Variants in CDK5 observed in about 807,000 individuals in gnomAD.
The protein encoded by CDK5 is cyclin dependent kinase 5.
In CDK5, 18 loss-of-function variants were observed where a neutral mutation model predicts 44.6. That is an observed-to-expected ratio of 0.40 (90% CI 0.28 to 0.60). CDK5 has a LOEUF of 0.60. CDK5 is among the 20% of genes least tolerant of loss of function. The pLI, the probability that CDK5 is intolerant of heterozygous loss-of-function variation, is 0.38. For missense variants in CDK5, 198 were observed against 368.1 expected (o/e 0.54, Z 3.78); for synonymous variants, 143 against 152.8 (o/e 0.94, Z 0.47).
rs1796906314 is a variant in CDK5, at chr7:151,056,854, C to T, written c.194+54G>A. The T allele has an allele frequency of 6.3e-7, 1 of 1,591,672 alleles. No homozygotes were observed. Among genetic ancestry groups the T allele is most frequent in the Non-Finnish European group, 8.6e-7 (1 of 1,169,326 alleles). On this transcript the variant is annotated intron_variant, in intron 3 of 11. Transcript: ENST00000485972. The surrounding 1 kb of genome is among the most constrained non-coding windows in gnomAD (Gnocchi z 4.7). ...CCGCCTGACAGACGTCCAGTGTCAG[C>T]CCCCGCCTCCCCCAAGCGGCCACAC...
Position 151,054,420 on chromosome 7 carries a change from C to T in CDK5, c.696G>A (p.Lys232=), listed in dbSNP as rs780601142. 15 of 1,613,408 alleles carry T rather than the reference C, an allele frequency of 9.3e-6. No individual in the cohort carries two copies. The highest frequency in any genetic ancestry group is 5.3e-5 in the African/African-American group (4 of 74,858). Reference sequence around the variant, plus strand: ...CCCATCACACCTTATAGTCTGGCAGCTTGGTCATAGAGGGCCACTGCTCCT... The same window carrying T: ...CCCATCACACCTTATAGTCTGGCAGTTTGGTCATAGAGGGCCACTGCTCCT... ...PTEEQWPSMT[K]LPDYKPYPMY... Residue 232 remains lysine (K), a synonymous_variant, in exon 10 of 12, where the codon AAG becomes AAA. Transcript: ENST00000485972. The surrounding 1 kb of genome is among the most constrained non-coding windows in gnomAD (Gnocchi z 5.7).
Position 151,055,259 on chromosome 7 carries a change from A to G in CDK5, c.580+18T>C, listed in dbSNP as rs1404213353. 14 of 1,607,298 alleles carry G rather than the reference A, an allele frequency of 8.7e-6. No individual in the cohort carries two copies. Among genetic ancestry groups the G allele is most frequent in the Non-Finnish European group, 1.2e-5 (14 of 1,173,894 alleles). On this transcript the variant is annotated intron_variant, in intron 8 of 11. Coordinates refer to ENST00000485972, the MANE Select transcript of CDK5 (RefSeq NM_004935.4). ...CAAATGGGAAAGAAGGTGCCTCTGCAACACCCCAGCACATCACCTGCAAAG... is the reference window on the plus strand; with the variant it reads ...CAAATGGGAAAGAAGGTGCCTCTGCGACACCCCAGCACATCACCTGCAAAG...
Position 151,054,652 on chromosome 7 carries a change from G to A in CDK5, c.651-187C>T, listed in dbSNP as rs111391436. ...GCAGGTCACTCGCATATCCAGCCAC[G>A]TTTCCCATGACAATCACCTAACCCA... On this transcript the variant is annotated intron_variant, in intron 9 of 11. Transcript: ENST00000485972. This position sits in a 1 kb window ranked among gnomAD's most constrained non-coding sequence, Gnocchi z 5.7. 8.5e-5 allele frequency among the ~76,000 whole-genome samples: 13 copies of A among 152,240 alleles called. No individual in the cohort carries two copies. Among genetic ancestry groups the A allele is most frequent in the African/African-American group, 1.9e-4 (8 of 41,542 alleles).
intron 5 of CDK5, 50 bp from the exon 6 acceptor site, chr7:151,055,898 T>G (rs1796884275): frequency 1.5e-6 from 2 of 1,307,450 alleles, no homozygotes; most frequent in Non-Finnish European, 1.1e-6. Context: ...CATGCAACTG[T>G]GCCCAGCAAC....
chr7:151,057,386 A>G lies in CDK5; in HGVS notation c.38-226T>C, dbSNP rs1796921813. On this transcript the variant is annotated intron_variant, in intron 1 of 11. Transcript: ENST00000485972. The surrounding 1 kb of genome is among the most constrained non-coding windows in gnomAD (Gnocchi z 5.2). ...GGCAGGAGGGGCGAGTGCGGTTGCCAGGGCAAGGATGTCTAAAATGAAGGC... is the reference window on the plus strand; with the variant it reads ...GGCAGGAGGGGCGAGTGCGGTTGCCGGGGCAAGGATGTCTAAAATGAAGGC... 4 of 603,246 alleles carry G rather than the reference A, an allele frequency of 6.6e-6. No individual in the cohort carries two copies. In the Admixed American group the frequency reaches 1.2e-4, roughly 17 times the overall value. 37.4% of individuals were successfully genotyped at this position (603,246 alleles called of 1,614,324 possible).
Position 151,054,330 on chromosome 7 carries a change from G to A in CDK5, c.712-38C>T. 1 of 1,611,588 alleles carries A rather than the reference G, an allele frequency of 6.2e-7. No individual in the cohort carries two copies. The highest frequency in any genetic ancestry group is 8.5e-7 in the Non-Finnish European group (1 of 1,177,838). ...AGGGAGGGTCAGACTAGAGGTAGGGGGAGGGGGATGGAGGCGCTAGGAATG... is the reference window on the plus strand; with the variant it reads ...AGGGAGGGTCAGACTAGAGGTAGGGAGAGGGGGATGGAGGCGCTAGGAATG... On this transcript the variant is annotated intron_variant, in intron 10 of 11. Coordinates refer to ENST00000485972, the MANE Select transcript of CDK5 (RefSeq NM_004935.4). The surrounding 1 kb of genome is among the most constrained non-coding windows in gnomAD (Gnocchi z 5.7).
At position 151,055,866 on chromosome 7, in the gene CDK5, GAA is replaced by G. The variant is rs1796883407; in HGVS notation, c.313-20_313-19del. On this transcript the variant is annotated intron_variant, in intron 5 of 11. Transcript: ENST00000485972. ...AGGAATGACTGGGAGGAGAGAGGGA[GAA>G]GGGAGTCAGACGCCCTGAACATGCA... 6.4e-7 allele frequency: 1 copy of G among 1,563,218 alleles called. No individual in the cohort carries two copies. The highest frequency in any genetic ancestry group is 1.8e-5 in the Admixed American group (1 of 56,794).
chr7:151,057,199 C>T lies in CDK5; in HGVS notation c.38-39G>A. 6.8e-7 allele frequency: 1 copy of T among 1,478,462 alleles called. No homozygotes were observed. The highest frequency in any genetic ancestry group is 9.5e-7 in the Non-Finnish European group (1 of 1,056,366). The allele number at this position is 1,478,462 out of a possible 1,614,324, so 91.6% of individuals were successfully genotyped here. On this transcript the variant is annotated intron_variant, in intron 1 of 11. Coordinates refer to ENST00000485972, the MANE Select transcript of CDK5 (RefSeq NM_004935.4). The surrounding 1 kb of genome is among the most constrained non-coding windows in gnomAD (Gnocchi z 5.2). ...GTCAGGGGTCAGGGTGAGGATGCGGCACTCTTCCCTAAGCCAGGAAATGCC... is the reference window on the plus strand; with the variant it reads ...GTCAGGGGTCAGGGTGAGGATGCGGTACTCTTCCCTAAGCCAGGAAATGCC...
chr7:151,057,693 G>T lies in CDK5; in HGVS notation c.37+119C>A. Reference sequence around the variant, plus strand: ...AGTGCTGAGCTAGGGGGCCAGGGCTGCAGCCGCTGCTGAGATCGGAGCCTG... The same window carrying T: ...AGTGCTGAGCTAGGGGGCCAGGGCTTCAGCCGCTGCTGAGATCGGAGCCTG... On this transcript the variant is annotated intron_variant, in intron 1 of 11. Coordinates refer to ENST00000485972, the MANE Select transcript of CDK5 (RefSeq NM_004935.4). The surrounding 1 kb of genome is among the most constrained non-coding windows in gnomAD (Gnocchi z 5.2). The T allele has an allele frequency of 8.9e-7, 1 of 1,120,248 alleles. No individual in the cohort carries two copies. The highest frequency in any genetic ancestry group is 1.3e-6 in the Non-Finnish European group (1 of 758,136). The allele number at this position is 1,120,248 out of a possible 1,614,324, so 69.4% of individuals were successfully genotyped here.
chr7:151,055,569 C>G lies in CDK5; in HGVS notation c.446G>C (p.Arg149Pro). Residue 149 changes from arginine to proline, a missense_variant, in exon 7 of 12, where the codon CGA becomes CCA. By Grantham distance (103) the Arg-to-Pro change is moderately radical. Transcript: ENST00000485972. ...ACAGCGGACGGGAATCCCAAAGGCT[C>G]GAGCCAGGCCAAAATCAGCCAATTT... ...ELKLADFGLA[R>P]AFGIPVRCYS... 3 of 1,613,710 alleles carry G rather than the reference C, an allele frequency of 1.9e-6. No individual in the cohort carries two copies. The highest frequency in any genetic ancestry group is 1.7e-6 in the Non-Finnish European group (2 of 1,179,844).
chr7:151,055,774 G>A lies in CDK5; in HGVS notation c.387C>T (p.Pro129=), dbSNP rs777882765. 1 of 1,612,184 alleles carries A rather than the reference G, an allele frequency of 6.2e-7. No homozygotes were observed. The highest frequency in any genetic ancestry group is 1.7e-5 in the Admixed American group (1 of 59,808). Residue 129 remains proline, a synonymous_variant, in exon 6 of 12, where the codon CCC becomes CCT. Transcript: ENST00000485972. ...SRNVLHRDLK[P]QNLLINRNGE... ...GTACCCTGTTTATTAGCAGGTTCTG[G>A]GGCTTCAGGTCCCTGTGTAGCACAT... is the stretch of plus-strand genomic sequence containing the variant.
rs1300480322 is a variant in CDK5 at position 151,054,186 on chromosome 7, C to T, written c.792+26G>A. On this transcript the variant is annotated intron_variant, in intron 11 of 11. Transcript: ENST00000485972. The surrounding 1 kb of genome is among the most constrained non-coding windows in gnomAD (Gnocchi z 5.7). ...TAGTCCCACTGGGCAAGTGTCCTGA[C>T]CCACCCTCTACCCCTGGTCACCTAC... 2 of 1,604,972 alleles carry T rather than the reference C, an allele frequency of 1.2e-6. No individual in the cohort carries two copies. The highest frequency in any genetic ancestry group is 1.7e-6 in the Non-Finnish European group (2 of 1,175,618).
At position 151,057,018 on chromosome 7, in the gene CDK5, C is replaced by T; in HGVS notation, c.127-43G>A. On this transcript the variant is annotated intron_variant, in intron 2 of 11. Coordinates refer to ENST00000485972, the MANE Select transcript of CDK5 (RefSeq NM_004935.4). The surrounding 1 kb of genome is among the most constrained non-coding windows in gnomAD (Gnocchi z 5.2). ...CCGGTGGGCAGCAGTCAGATCCCAC[C>T]CAGCCCAGGCCCTCAAACCCCTCCC... The T allele has an allele frequency of 6.2e-7, 1 of 1,613,510 alleles. No homozygotes were observed. Among genetic ancestry groups the T allele is most frequent in the Non-Finnish European group, 8.5e-7 (1 of 1,179,552 alleles).
At chr7:151,055,704 G>C (rs376208556) in intron 6 of CDK5, 49 bp downstream of exon 6, 1 of 1,544,216 alleles carries the variant, frequency 6.5e-7, no homozygotes. Context: ...TGTGCTCCCC[G>C]TGCCCTGGCC....
rs760492249 is a variant in CDK5, at chr7:151,057,040, T to G, written c.126+32A>C. 228 of 1,371,282 alleles carry G rather than the reference T, an allele frequency of 1.7e-4. 1 individual carries two copies. Among genetic ancestry groups the G allele is most frequent in the Non-Finnish European group, 2.2e-4 (218 of 980,480 alleles). The allele number at this position is 1,371,282 out of a possible 1,614,324, so 84.9% of individuals were successfully genotyped here. The stretch of plus-strand genomic sequence containing the variant: ...CACCCAGCCCAGGCCCTCAAACCCC[T>G]CCCCAGGCCGTATCCCACTCCCCAG... On this transcript the variant is annotated intron_variant, in intron 2 of 11. Transcript: ENST00000485972. The surrounding 1 kb of genome is among the most constrained non-coding windows in gnomAD (Gnocchi z 5.2).
chr7:151,056,406 G>T lies in CDK5; in HGVS notation c.312+174C>A. 1.6e-6 allele frequency: 1 copy of T among 622,016 alleles called. No homozygotes were observed. Among genetic ancestry groups the T allele is most frequent in the Non-Finnish European group, 2.9e-6 (1 of 349,062 alleles). 38.5% of individuals were successfully genotyped at this position (622,016 alleles called of 1,614,324 possible). A position where few individuals can be genotyped will look rare whatever the true frequency, so the allele number is the denominator to read the frequency against. ...CACTGTGCGGGTCAAAGATGACCACGTGAAAATGCTCACTAAGACTGGAGA... is the reference window on the plus strand; with the variant it reads ...CACTGTGCGGGTCAAAGATGACCACTTGAAAATGCTCACTAAGACTGGAGA... On this transcript the variant is annotated intron_variant, in intron 5 of 11. Coordinates refer to ENST00000485972, the MANE Select transcript of CDK5 (RefSeq NM_004935.4). The surrounding 1 kb of genome is among the most constrained non-coding windows in gnomAD (Gnocchi z 4.7).
In CDK5 at chr7:151,056,453, G is replaced by C; in HGVS notation, c.312+127C>G. On this transcript the variant is annotated intron_variant, in intron 5 of 11. Transcript: ENST00000485972. The surrounding 1 kb of genome is among the most constrained non-coding windows in gnomAD (Gnocchi z 4.7). ...GAGACCCCTGGAGGACAGAAACAGG[G>C]TTTTCTCATTCTCTAACACCCTAGA... The C allele has an allele frequency of 1.2e-6, 1 of 810,220 alleles. No homozygotes were observed. The allele number at this position is 810,220 out of a possible 1,614,324, so 50.2% of individuals were successfully genotyped here.
At position 151,054,093 on chromosome 7, in the gene CDK5, G is replaced by T. The variant is rs1563325725; in HGVS notation, c.795C>A (p.Asn265Lys). 1 of 1,599,312 alleles carries T rather than the reference G, an allele frequency of 6.3e-7. No individual in the cohort carries two copies. The highest frequency in any genetic ancestry group is 1.7e-4 in the Middle Eastern group (1 of 6,038). Residue 265 changes from asparagine (N) to lysine (K), a missense_variant and splice_region_variant, in exon 12 of 12, where the codon AAC becomes AAA. This residue lies in a region of CDK5 where 81 missense variants were observed against 102.1 expected (regional missense o/e 0.79). Coordinates refer to ENST00000485972, the MANE Select transcript of CDK5 (RefSeq NM_004935.4). The surrounding 1 kb of genome is among the most constrained non-coding windows in gnomAD (Gnocchi z 5.7). ...LNATGRDLLQ[N>K]LLKCNPVQRI... ...GCTGGACAGGGTTACACTTCAGAAG[G>T]TTCTGGAGATGGGGGAAAGGAGGTG...
Position 151,054,441 on chromosome 7 carries a change from C to A in CDK5, c.675G>T (p.Glu225Asp), listed in dbSNP as rs35186917. 1.9e-5 allele frequency: 31 copies of A among 1,613,222 alleles called. No individual in the cohort carries two copies. The highest frequency in any genetic ancestry group is 2.5e-5 in the Non-Finnish European group (30 of 1,179,526). The change falls in exon 10 of 12, where the codon GAG (glutamate) becomes GAT (aspartate). Residue 225 changes from glutamate to aspartate, a missense_variant. Glu to Asp is a conservative substitution (Grantham distance 45). Around this residue, in one of 4 missense-constraint regions of CDK5, gnomAD observed 81 missense variants for 102.1 expected, o/e 0.79. Transcript: ENST00000485972. The surrounding 1 kb of genome is among the most constrained non-coding windows in gnomAD (Gnocchi z 5.7). The part of the protein sequence containing the change: ...IFRLLGTPTE[E>D]QWPSMTKLPD... ...GCAGCTTGGTCATAGAGGGCCACTG[C>A]TCCTCGGTGGGCGTCCCCAGCAGTG...
Sources: gnomAD v4.1 joint callset for allele counts (sites outside exome capture counted in the v4.1 genomes callset) on GRCh38, gnomAD v4.1.1 for gene constraint, gnomAD v4.1.1 regional missense constraint, Gnocchi (gnomAD v3.1) non-coding constraint, MANE v1.5 for transcripts, NCBI Gene and HGNC (gene_info 2026-07-23, HGNC 2026-07-21) for gene names.